Variants in ATG4C observed in about 807,000 individuals in gnomAD.
ATG4C encodes autophagy related 4C cysteine peptidase, also known as cysteine protease ATG4C.
Under a neutral mutation model 57.6 loss-of-function variants are expected in ATG4C, and 56 were observed. That is an observed-to-expected ratio of 0.97 (90% CI 0.78 to 1.21). ATG4C has a LOEUF of 1.21. ATG4C is among the 50% of genes most tolerant of loss of function. The pLI is 0.00. For missense variants in ATG4C, 595 were observed against 529.8 expected (o/e 1.12, Z -1.21); for synonymous variants, 157 against 174.1 (o/e 0.90, Z 0.78).
intron 1 of ATG4C, among the ~76,000 whole-genome samples, chr1:62,790,991 A>G (rs989998352): frequency 9.9e-5 from 15 of 152,212 alleles, no homozygotes; most frequent in African/African-American, 3.1e-4. Context: ...ACCAGAATGG[A>G]AAGATTTATG....
intron 9 of ATG4C, among the ~76,000 whole-genome samples, chr1:62,839,399 C>T (rs894892330): frequency 6.6e-6 from 1 of 152,068 alleles, no homozygotes; most frequent in Non-Finnish European, 1.5e-5. Context: ...TATAGAATAC[C>T]CTTTGTAGAT....
intron 8 of ATG4C, 72 bp downstream of exon 8, chr1:62,834,188 T>G: frequency 7.2e-7 from 1 of 1,393,590 alleles, no homozygotes. Flanking sequence ...TGAGATCATC[T>G]GGAAACAGGA....
intron 1 of ATG4C, among the ~76,000 whole-genome samples, chr1:62,794,463 T>A (rs1572093921): frequency 6.6e-6 from 1 of 152,228 alleles, no homozygotes; most frequent in African/African-American, 2.4e-5. Flanking sequence ...TAAGAATGTT[T>A]GTAAGATTTT....
At chr1:62,797,892 T>C (rs1664525268) in intron 1 of ATG4C, among the ~76,000 whole-genome samples, 1 of 152,220 alleles carries the variant, frequency 6.6e-6, no homozygotes. Flanking sequence ...CAATCTCAGC[T>C]CACTGCAACC....
rs1666932181 is a variant in ATG4C at position 62,864,073 on chromosome 1, A to G, written c.1291A>G (p.Thr431Ala). 6.2e-7 allele frequency: 1 copy of G among 1,604,232 alleles called. No homozygotes were observed. The highest frequency in any genetic ancestry group is 1.1e-5 in the South Asian group (1 of 89,522). The stretch of plus-strand genomic sequence containing the variant: ...TTCCAGAGACTATGATTTTACATCT[A>G]CTACAACCAATGAAGAAGACCTTTT... ...GHSRDYDFTS[T>A]TTNEEDLFSE... Residue 431 changes from threonine to alanine, a missense_variant, in exon 11 of 11, where the codon ACT becomes GCT. By Grantham distance (58) the Thr-to-Ala change is moderately conservative (BLOSUM62 0). Coordinates refer to ENST00000317868, the MANE Select transcript of ATG4C (RefSeq NM_032852.4).
intron 9 of ATG4C, among the ~76,000 whole-genome samples, chr1:62,838,982 G>T (rs1475609901): frequency 1.3e-5 from 2 of 152,140 alleles, no homozygotes; most frequent in South Asian, 4.1e-4. Flanking sequence ...GATGGTTGTA[G>T]TCAGTACAGT....
chr1:62,834,793 A>G lies in ATG4C; in HGVS notation c.1030A>G (p.Met344Val), dbSNP rs766415147. Residue 344 changes from methionine to valine, a missense_variant, in exon 9 of 11, where the codon ATG becomes GTG. By Grantham distance (21) the Met-to-Val change is conservative (BLOSUM62 1). Coordinates refer to ENST00000317868, the MANE Select transcript of ATG4C (RefSeq NM_032852.4). ...AGFQDDSLIY[M>V]DPHYCQSFVD... ...CCTTGTAGATGACAGTTTGATTTAC[A>G]TGGATCCTCATTACTGCCAATCTTT... The G allele has an allele frequency of 3.1e-6, 5 of 1,612,016 alleles. No individual in the cohort carries two copies. Among genetic ancestry groups the G allele is most frequent in the Non-Finnish European group, 4.2e-6 (5 of 1,178,568 alleles).
intron 1 of ATG4C, among the ~76,000 whole-genome samples, chr1:62,796,130 T>G (rs1664455009): frequency 6.6e-6 from 1 of 151,666 alleles, no homozygotes; most frequent in Non-Finnish European, 1.5e-5. Context: ...TTACTTTTCT[T>G]TATGCTTTGT....
At chr1:62,832,938 T>C (rs1295090737) in intron 7 of ATG4C, among the ~76,000 whole-genome samples, 6 of 152,186 alleles carry the variant, frequency 3.9e-5, no homozygotes, top group Admixed American at 3.9e-4. Context: ...ATTTCACATA[T>C]ATAAAATTGT....
chr1:62,844,765 A>G (rs1666278138), intron 10 of ATG4C, among the ~76,000 whole-genome samples: 1 of 152,010 alleles, frequency 6.6e-6, no homozygotes, highest in Non-Finnish European at 1.5e-5. Flanking sequence ...CCCATACTTT[A>G]TATATCCATA....
chr1:62,805,402 G>A (rs1664845745), intron 3 of ATG4C, 147 bp downstream of exon 3: 1 of 1,195,982 alleles, frequency 8.4e-7, no homozygotes, highest in Admixed American at 4.3e-5. Flanking sequence ...TTACTATGTT[G>A]TTTGGGTTTC....
At chr1:62,842,363 G>A (rs997330120) in intron 10 of ATG4C, among the ~76,000 whole-genome samples, 4 of 149,940 alleles carry the variant, frequency 2.7e-5, no homozygotes, top group African/African-American at 7.4e-5. Context: ...GTGCAATGGC[G>A]CGATCTCGGC....
rs765344959 is a variant in ATG4C at position 62,819,068 on chromosome 1, C to G, written c.458C>G (p.Thr153Ser). Residue 153 changes from threonine (T) to serine (S), a missense_variant, in exon 5 of 11, where the codon ACT (threonine) becomes AGT (serine). Transcript: ENST00000317868. ...NSDSESWTSH[T>S]VKKFTASFEA... The stretch of plus-strand genomic sequence containing the variant: ...GACTCTGAATCATGGACTTCCCACA[C>G]TGTCAAAAAATTTACTGCATCATTT... 3 of 1,606,494 alleles carry G rather than the reference C, an allele frequency of 1.9e-6. No individual in the cohort carries two copies. The highest frequency in any genetic ancestry group is 2.5e-6 in the Non-Finnish European group (3 of 1,176,560).
In ATG4C at chr1:62,865,048, C is replaced by T. The variant is rs1461606584; in HGVS notation, c.*889C>T. The T allele has an allele frequency of 6.6e-6, 1 of 151,734 alleles. No homozygotes were observed. The highest frequency in any genetic ancestry group is 1.5e-5 in the Non-Finnish European group (1 of 67,784). 9.4% of individuals were successfully genotyped at this position (151,734 alleles called of 1,614,324 possible). On this transcript the variant is annotated 3_prime_UTR_variant, in exon 11 of 11. Coordinates refer to ENST00000317868, the MANE Select transcript of ATG4C (RefSeq NM_032852.4). ...TGAGGCCACCTGTAAGGCAAATCTG[C>T]CTTAAGTGTATTATGTGTTACTTAA...
chr1:62,835,104 A>G (rs572130339), intron 9 of ATG4C, among the ~76,000 whole-genome samples: 2 of 151,926 alleles, frequency 1.3e-5, no homozygotes, highest in South Asian at 4.2e-4. Context: ...GGCCATACTA[A>G]AATAAATGAT....
At position 62,844,727 on chromosome 1, in the gene ATG4C, A is replaced by G. The variant is rs569648993; in HGVS notation, c.1209+3180A>G. Among the ~76,000 whole-genome samples the G allele has an allele frequency of 1.4e-3, 214 of 152,230 alleles. 1 individual carries two copies. The highest frequency in any genetic ancestry group is 2.1e-3 in the Non-Finnish European group (140 of 67,962). On this transcript the variant is annotated intron_variant, in intron 10 of 10. Coordinates refer to ENST00000317868, the MANE Select transcript of ATG4C (RefSeq NM_032852.4). Reference sequence around the variant, plus strand: ...ATTCCTTTTCTTCCTTCTCAGTGGTAATCACTATCCTGAATTAGTGTATCA... The same window carrying G: ...ATTCCTTTTCTTCCTTCTCAGTGGTGATCACTATCCTGAATTAGTGTATCA...
chr1:62,810,502 A>C (rs1004742258), intron 3 of ATG4C, among the ~76,000 whole-genome samples: 1 of 152,120 alleles, frequency 6.6e-6, no homozygotes, highest in Non-Finnish European at 1.5e-5. Context: ...CATTTACTGT[A>C]TGTTGGTTGA....
intron 10 of ATG4C, among the ~76,000 whole-genome samples, chr1:62,860,995 C>G (rs544120285): frequency 2.0e-5 from 3 of 152,298 alleles, no homozygotes; most frequent in African/African-American, 7.2e-5. Flanking sequence ...CAACTCAGTA[C>G]TTAGGAAAGG....
At chr1:62,863,852 A>G in intron 10 of ATG4C, 140 bp from the exon 11 acceptor site, 9 of 535,174 alleles carry the variant, frequency 1.7e-5, no homozygotes, top group Non-Finnish European at 2.3e-5. Flanking sequence ...TAGCCAGAAC[A>G]GGCAAAGGAG....
Sources: allele counts gnomAD v4.1 joint callset (sites outside exome capture counted in the v4.1 genomes callset), GRCh38; gene constraint gnomAD v4.1.1; transcripts MANE v1.5; gene names NCBI Gene and HGNC (gene_info 2026-07-23, HGNC 2026-07-21).